Variants in C12orf42 observed in about 807,000 individuals in gnomAD.
The protein encoded by C12orf42 is chromosome 12 open reading frame 42, also known as uncharacterized protein C12orf42.
In C12orf42, 25 loss-of-function variants were observed where a neutral mutation model predicts 21.6. The ratio of observed to expected loss-of-function variants is 1.16; its 90% CI spans 0.84 to 1.62. The LOEUF is 1.62. Among genes scored for constraint, C12orf42 ranks in the 40% most tolerant of loss-of-function variants. The pLI is 0.00. For synonymous variants in C12orf42, 174 were observed against 175.0 expected, an observed-to-expected ratio of 0.99 and a Z score of 0.05; for missense variants, 483 against 459.3, an observed-to-expected ratio of 1.05 and a Z score of -0.47.
chr12:103,286,124 G>A (rs1305733889), intron 4 of C12orf42, among the ~76,000 whole-genome samples: 12 of 151,968 alleles, frequency 7.9e-5, no homozygotes, highest in Non-Finnish European at 1.0e-4. Context: ...GGTGGCAGGC[G>A]CCTGTAGTCC....
the C12orf42 span, among the ~76,000 whole-genome samples, chr12:103,127,018 T>C: frequency 6.6e-6 from 1 of 152,218 alleles, no homozygotes; most frequent in Non-Finnish European, 1.5e-5. Flanking sequence ...TTGATACTAT[T>C]TGTTTTACTT....
intron 2 of C12orf42, among the ~76,000 whole-genome samples, chr12:103,440,503 G>T: frequency 7.7e-6 from 1 of 129,496 alleles, no homozygotes. Context: ...TGGTGCAAGT[G>T]GGTACTTCAC....
At chr12:103,457,347 C>T (rs1292638101) in intron 2 of C12orf42, among the ~76,000 whole-genome samples, 1 of 152,176 alleles carries the variant, frequency 6.6e-6, no homozygotes, top group African/African-American at 2.4e-5. Context: ...AGGGTATACA[C>T]TGTGTTTCTC....
intron 3 of C12orf42, among the ~76,000 whole-genome samples, chr12:103,390,840 C>T (rs1246777575): frequency 6.6e-6 from 1 of 152,110 alleles, no homozygotes; most frequent in African/African-American, 2.4e-5. Flanking sequence ...TAGGCTCATA[C>T]AATAAACAAT....
At chr12:103,097,228 A>C in the C12orf42 span, among the ~76,000 whole-genome samples, 1 of 152,222 alleles carries the variant, frequency 6.6e-6, no homozygotes, top group African/African-American at 2.4e-5. Flanking sequence ...GTGTCAACAC[A>C]TTAAAAATTG....
intron 4 of C12orf42, among the ~76,000 whole-genome samples, chr12:103,325,785 G>A (rs1460884403): frequency 6.6e-6 from 1 of 152,086 alleles, no homozygotes; most frequent in Non-Finnish European, 1.5e-5. Flanking sequence ...CTTAATCTGG[G>A]CTGGATTTGT....
the C12orf42 span, among the ~76,000 whole-genome samples, chr12:103,553,254 G>A: frequency 8.5e-5 from 13 of 152,138 alleles, no homozygotes; most frequent in African/African-American, 3.1e-4. Context: ...AACCACCCCT[G>A]GTTGAGAGCC....
chr12:103,496,055 C>A (rs1955532882), upstream of C12orf42: 1 of 152,556 alleles, frequency 6.6e-6, no homozygotes, highest in African/African-American at 2.4e-5. Flanking sequence ...GCCGTGAGAC[C>A]CTCCCCCGCG....
At chr12:103,450,391 CTTGAT>C (rs1764856185) in intron 2 of C12orf42, among the ~76,000 whole-genome samples, 1 of 152,012 alleles carries the variant, frequency 6.6e-6, no homozygotes, top group South Asian at 2.1e-4. Flanking sequence ...ACTTGGTGTT[CTTGAT>C]TTATTTACTA....
chr12:103,273,812 A>G, intron 5 of C12orf42: 1 of 456,322 alleles, frequency 2.2e-6, no homozygotes, highest in Non-Finnish European at 4.4e-6. Flanking sequence ...CATGGGTCTG[A>G]GTCAGCGTTA....
chr12:103,273,883 C>T (rs1432264407), intron 5 of C12orf42: 2 of 456,172 alleles, frequency 4.4e-6, no homozygotes, highest in South Asian at 1.5e-5. Context: ...GGCTATTTTA[C>T]CTAGAAAGCC....
At chr12:103,168,132 T>C in the C12orf42 span, 1 of 455,680 alleles carries the variant, frequency 2.2e-6, no homozygotes, top group Non-Finnish European at 4.4e-6. Context: ...TTGATGTACA[T>C]TAAGAGGCAA....
At chr12:103,315,120 T>A (rs925293042) in intron 4 of C12orf42, among the ~76,000 whole-genome samples, 11 of 152,150 alleles carry the variant, frequency 7.2e-5, no homozygotes, top group Non-Finnish European at 1.5e-5. Context: ...TAAAACCTCA[T>A]ACTAAAGATT....
At chr12:103,398,831 G>A (rs78517467) in intron 3 of C12orf42, among the ~76,000 whole-genome samples, 4,895 of 151,988 alleles carry the variant, frequency 0.032, 285 homozygotes, top group African/African-American at 0.11. Context: ...CTACCCTTGA[G>A]CAAATAGCAT....
At chr12:103,151,951 G>C in the C12orf42 span, 6 of 152,224 alleles carry the variant, frequency 3.9e-5, no homozygotes. Context: ...AGTCATTAAA[G>C]GGAGTGGGAC....
chr12:103,097,343 A>G, the C12orf42 span, among the ~76,000 whole-genome samples: 648 of 152,300 alleles, frequency 4.3e-3, 5 homozygotes, highest in African/African-American at 0.015. Context: ...ATTAAGAGAA[A>G]CATCTGATTA....
intron 4 of C12orf42, among the ~76,000 whole-genome samples, chr12:103,278,399 C>A (rs2035906431): frequency 6.6e-6 from 1 of 152,092 alleles, no homozygotes; most frequent in Admixed American, 6.5e-5. Context: ...AAAAAAAGCC[C>A]AAGAGTGTAA....
At chr12:103,278,660 G>T (rs2035921606) in intron 4 of C12orf42, among the ~76,000 whole-genome samples, 1 of 152,220 alleles carries the variant, frequency 6.6e-6, no homozygotes, top group Admixed American at 6.5e-5. Context: ...CAGGAGAGAT[G>T]AACAAGACAG....
intron 2 of C12orf42, among the ~76,000 whole-genome samples, chr12:103,430,945 A>G (rs1481406012): frequency 4.6e-5 from 7 of 152,198 alleles, no homozygotes; most frequent in African/African-American, 1.7e-4. Flanking sequence ...GGGGAATATC[A>G]CAAACTGGGG....
Sources: allele counts gnomAD v4.1 joint callset (sites outside exome capture counted in the v4.1 genomes callset), GRCh38; gene constraint gnomAD v4.1.1; transcripts MANE v1.5; gene names NCBI Gene and HGNC (gene_info 2026-07-23, HGNC 2026-07-21).